Variants in EVL observed in about 807,000 individuals in gnomAD.
EVL encodes the protein ena/VASP-like protein.
EVL carries 21 observed loss-of-function variants against 59.6 expected under a neutral mutation model. That is an observed-to-expected ratio of 0.35 (90% CI 0.25 to 0.51). The LOEUF is 0.51. Among genes scored for constraint, EVL ranks in the 20% least tolerant of loss-of-function variants. The pLI is 0.97. For synonymous variants in EVL, 198 were observed against 203.5 expected, an observed-to-expected ratio of 0.97 and a Z score of 0.23; for missense variants, 462 against 546.6, an observed-to-expected ratio of 0.85 and a Z score of 1.54.
At chr14:99,988,760 T>C (rs1286968448) in intron 1 of EVL, among the ~76,000 whole-genome samples, 1 of 152,172 alleles carries the variant, frequency 6.6e-6, no homozygotes, top group Non-Finnish European at 1.5e-5. Flanking sequence ...AATACTGATA[T>C]AACATGGATG....
At chr14:100,041,012 G>A (rs1353802245) in intron 1 of EVL, among the ~76,000 whole-genome samples, 4 of 151,972 alleles carry the variant, frequency 2.6e-5, no homozygotes, top group African/African-American at 7.3e-5. Context: ...CCCCAATTCC[G>A]GGTCAGTCAA....
At chr14:100,006,022 C>CCCCA (rs1566967207) in intron 1 of EVL, among the ~76,000 whole-genome samples, 1 of 148,750 alleles carries the variant, frequency 6.7e-6, no homozygotes, top group Non-Finnish European at 1.5e-5. Context: ...CCCCCCCCCC[C>CCCCA]CACACCGACA....
chr14:100,004,351 G>A (rs559986195), intron 1 of EVL, among the ~76,000 whole-genome samples: 4 of 152,140 alleles, frequency 2.6e-5, no homozygotes, highest in Admixed American at 6.5e-5. Context: ...AGAGAAAACC[G>A]AAAATGGCAA....
At chr14:99,977,460 G>A (rs576993812) in intron 1 of EVL, 1 of 152,232 alleles carries the variant, frequency 6.6e-6, no homozygotes, top group South Asian at 2.1e-4. Flanking sequence ...GCACAGTGGT[G>A]CGATCTCAGC....
chr14:100,037,666 C>G (rs1052640845), intron 1 of EVL, among the ~76,000 whole-genome samples: 3 of 152,168 alleles, frequency 2.0e-5, no homozygotes, highest in African/African-American at 7.2e-5. Context: ...TTAGGTATCC[C>G]CTTGTTCAGA....
At chr14:100,087,793 G>A (rs1343736509) in intron 2 of EVL, among the ~76,000 whole-genome samples, 3 of 152,168 alleles carry the variant, frequency 2.0e-5, no homozygotes, top group Non-Finnish European at 4.4e-5. Context: ...GCTCTGCTCT[G>A]CGTGGGTCAT....
chr14:100,065,104 T>TAGAC (rs3830989), upstream of EVL, among the ~76,000 whole-genome samples: 116,213 of 151,488 alleles, frequency 0.77, 45,623 homozygotes, highest in Non-Finnish European at 0.85. Context: ...GGCATTGACT[T>TAGAC]AGACTATAGA....
At chr14:100,016,094 AAAT>A (rs1490573972) in intron 1 of EVL, among the ~76,000 whole-genome samples, 6 of 150,200 alleles carry the variant, frequency 4.0e-5, no homozygotes, top group African/African-American at 1.5e-4. Flanking sequence ...AAAAAAAAAA[AAAT>A]TAATTATTTA....
At position 100,114,459 on chromosome 14, in the gene EVL, G is replaced by C. The variant is rs1335151374; in HGVS notation, c.359-9080G>C. ...GGGCCAGGGCCCTGGGAGCTTGCTG[G>C]AGTCAGGTGGGCAGGAAGGTTCTGA... is the stretch of plus-strand genomic sequence containing the variant. On this transcript the variant is annotated intron_variant, in intron 3 of 13. Transcript: ENST00000392920. This position sits in a 1 kb window ranked among gnomAD's most constrained non-coding sequence, Gnocchi z 5.0. 1 of 152,498 alleles carries C rather than the reference G, an allele frequency of 6.6e-6. No homozygotes were observed. Among genetic ancestry groups the C allele is most frequent in the Non-Finnish European group, 1.5e-5 (1 of 68,170 alleles). 9.4% of individuals were successfully genotyped at this position (152,498 alleles called of 1,614,324 possible). A position where few individuals can be genotyped will look rare whatever the true frequency, so the allele number is the denominator to read the frequency against.
chr14:100,103,053 G>C (rs1457087699), intron 3 of EVL, among the ~76,000 whole-genome samples: 1 of 145,570 alleles, frequency 6.9e-6, no homozygotes, highest in Non-Finnish European at 1.5e-5. Flanking sequence ...AGTGAGCCGA[G>C]ATCGCCTCAC....
chr14:99,971,494 G>T (rs1816450961), exon 1 of EVL: 1 of 151,754 alleles, frequency 6.6e-6, no homozygotes, highest in African/African-American at 2.4e-5. Flanking sequence ...CGCCGCGCGC[G>T]CTCATTCACC....
At chr14:100,126,923 G>T (rs900142809) in intron 5 of EVL, 152 bp downstream of exon 5, 1 of 688,730 alleles carries the variant, frequency 1.5e-6, no homozygotes. Flanking sequence ...AGATGGTGAG[G>T]GTAGCAAGAG....
At chr14:100,135,793 T>A in intron 8 of EVL, 112 bp from the exon 9 acceptor site, 1 of 914,274 alleles carries the variant, frequency 1.1e-6, no homozygotes, top group Non-Finnish European at 1.8e-6. Context: ...ATAAAAGTCA[T>A]ATGTGTTCAT....
chr14:99,978,813 A>G (rs2060787388), intron 1 of EVL, among the ~76,000 whole-genome samples: 1 of 152,242 alleles, frequency 6.6e-6, no homozygotes, highest in South Asian at 2.1e-4. Context: ...ACCTATTGCT[A>G]AAAGTCTAGA....
chr14:100,141,738 G>C lies in EVL; in HGVS notation c.1164G>C (p.Glu388Asp). The stretch of plus-strand genomic sequence containing the variant: ...CCTGGACACTCCTCTCCCAACAGGA[G>C]ATCCTAGAGGAGGTGGTGAGAGAGC... ...DAFDLDRMKQ[E>D]ILEEVVRELH... The change falls in exon 13 of 14, where the codon GAG (glutamate) becomes GAC (aspartate). Residue 388 changes from glutamate to aspartate, a missense_variant and splice_region_variant. Physicochemically the swap from Glu to Asp is conservative, Grantham distance 45 (BLOSUM62 2). Transcript: ENST00000392920. The C allele has an allele frequency of 6.2e-7, 1 of 1,613,468 alleles. No homozygotes were observed. Among genetic ancestry groups the C allele is most frequent in the South Asian group, 1.1e-5 (1 of 91,056 alleles).
chr14:100,018,094 A>G (rs1226011825), intron 1 of EVL, among the ~76,000 whole-genome samples: 1 of 152,274 alleles, frequency 6.6e-6, no homozygotes, highest in African/African-American at 2.4e-5. Flanking sequence ...TTGGGAATAC[A>G]GAAATTAACT....
At chr14:100,092,800 A>G (rs1336275203) in intron 2 of EVL, among the ~76,000 whole-genome samples, 1 of 152,228 alleles carries the variant, frequency 6.6e-6, no homozygotes, top group East Asian at 1.9e-4. Context: ...GGTGAATCTC[A>G]TAAAGATTGT....
chr14:100,070,062 T>TAA (rs569848858), intron 1 of EVL, among the ~76,000 whole-genome samples: 3,183 of 122,316 alleles, frequency 0.026, 133 homozygotes, highest in African/African-American at 0.089. Context: ...CCTCCTCTCT[T>TAA]AAAAAAAAAA....
At chr14:100,089,389 A>C (rs1007801268) in intron 2 of EVL, among the ~76,000 whole-genome samples, 1 of 152,250 alleles carries the variant, frequency 6.6e-6, no homozygotes, top group African/African-American at 2.4e-5. Context: ...GCCATAAAGC[A>C]AGTGTCAAGT....
Sources: allele counts gnomAD v4.1 joint callset (sites outside exome capture counted in the v4.1 genomes callset), GRCh38; gene constraint gnomAD v4.1.1; non-coding constraint Gnocchi (gnomAD v3.1); transcripts MANE v1.5; gene names NCBI Gene and HGNC (gene_info 2026-07-23, HGNC 2026-07-21).